NOTCH1: variants seen among roughly 807,000 people sequenced by gnomAD.
The protein encoded by NOTCH1 is neurogenic locus notch homolog protein 1.
In NOTCH1, 37 loss-of-function variants were observed where a neutral mutation model predicts 254.8. The observed-to-expected ratio is 0.15, with a 90% CI of 0.11 to 0.19. The LOEUF (loss-of-function observed/expected upper bound fraction) is 0.19. NOTCH1 is among the 10% of genes least tolerant of loss of function. The probability of loss-of-function intolerance (pLI) is 1.00; values close to 1 mark genes in which losing one functional copy is unlikely to be tolerated. For missense variants in NOTCH1, 2,972 were observed against 3,708.6 expected (o/e 0.80, Z 5.16); for synonymous variants, 1,731 against 1,618.1 (o/e 1.07, Z -1.68).
chr9:136,509,577 A>C lies in NOTCH1; in HGVS notation c.2969+156T>G, dbSNP rs1380733793. The stretch of plus-strand genomic sequence containing the variant: ...TCACAATGGCCCTCTCAGGAGGGAC[A>C]GGTCGGTACAATGAACAATGTCTGG... On this transcript the variant is annotated intron_variant, in intron 18 of 33. Coordinates refer to ENST00000651671, the MANE Select transcript of NOTCH1 (RefSeq NM_017617.5). 3.9e-5 allele frequency among the ~76,000 whole-genome samples: 6 copies of C among 152,240 alleles called. No individual in the cohort carries two copies. The East Asian group carries it at 1.2e-3, about 29-fold the overall frequency.
chr9:136,521,271 G>A (rs1011213864), intron 4 of NOTCH1, among the ~76,000 whole-genome samples: 13 of 152,196 alleles, frequency 8.5e-5, no homozygotes, highest in East Asian at 1.9e-4. Context: ...CTCACCGGAC[G>A]GGTGACCCAG....
chr9:136,505,169 C>G, intron 25 of NOTCH1, 65 bp from the exon 26 acceptor site: 4 of 1,555,002 alleles, frequency 2.6e-6, no homozygotes, highest in Non-Finnish European at 3.5e-6. Flanking sequence ...CGTCCGGTGC[C>G]TCCAGCCCAC....
intron 2 of NOTCH1, among the ~76,000 whole-genome samples, chr9:136,533,595 G>A (rs1009163274): frequency 1.3e-5 from 2 of 152,248 alleles, no homozygotes; most frequent in Non-Finnish European, 2.9e-5. Flanking sequence ...CACGGCCACA[G>A]CAGCCTCAGA....
chr9:136,545,112 A>G lies in NOTCH1; in HGVS notation c.61+614T>C, dbSNP rs548299856. Reference sequence around the variant, plus strand: ...AACTTCAACTCCGCAAAGCAAAAGGAAAGTTCAGTCCCCCCGGGCGCGGCG... The same window carrying G: ...AACTTCAACTCCGCAAAGCAAAAGGGAAGTTCAGTCCCCCCGGGCGCGGCG... On this transcript the variant is annotated intron_variant, in intron 1 of 33. Transcript: ENST00000651671. The surrounding 1 kb of genome is among the most constrained non-coding windows in gnomAD (Gnocchi z 6.8). Among the ~76,000 whole-genome samples the G allele has an allele frequency of 2.6e-5, 4 of 151,988 alleles. No homozygotes were observed. The highest frequency in any genetic ancestry group is 4.4e-5 in the Non-Finnish European group (3 of 67,940).
chr9:136,538,955 G>A (rs1001376525), intron 2 of NOTCH1, among the ~76,000 whole-genome samples: 1 of 152,236 alleles, frequency 6.6e-6, no homozygotes, highest in Non-Finnish European at 1.5e-5. Context: ...GCAAAAGGGT[G>A]CAGTCCCTCG....
intron 2 of NOTCH1, chr9:136,543,543 G>A (rs1194032718): frequency 6.3e-6 from 2 of 316,468 alleles, no homozygotes; most frequent in African/African-American, 2.2e-5. Context: ...TGTGCCAGAG[G>A]AGGCATCACT....
intron 17 of NOTCH1, 58 bp from the exon 18 acceptor site, chr9:136,510,019 G>C: frequency 3.9e-6 from 6 of 1,519,170 alleles, no homozygotes; most frequent in Non-Finnish European, 5.4e-6. Context: ...ACCTGCGGGA[G>C]GGGGCCGGGA....
rs766146375 is a variant in NOTCH1, at chr9:136,505,571, G to C, written c.4325C>G (p.Pro1442Arg). The C allele has an allele frequency of 1.9e-6, 3 of 1,610,264 alleles. No homozygotes were observed. In the East Asian group the frequency reaches 6.7e-5, roughly 36 times the overall value. ...FGGGAGRDIPPPLIEEACELP... is the reference protein window; with the variant it reads ...FGGGAGRDIPRPLIEEACELP... ...CTCGCACGCCTCCTCGATCAGCGGC[G>C]GGGGGATGTCGCGCCCGGCCCCACC... The change falls in exon 25 of 34, where the codon CCG becomes CGG. Residue 1442 changes from proline (P) to arginine (R), a missense_variant. Physicochemically the swap from Pro to Arg is moderately radical, Grantham distance 103. This residue lies in a region of NOTCH1 where 1,343 missense variants were observed against 1,557.0 expected (regional missense o/e 0.86). Transcript: ENST00000651671.
intron 16 of NOTCH1, 48 bp downstream of exon 16, chr9:136,511,104 C>CA (rs755879912): frequency 1.2e-6 from 2 of 1,612,558 alleles, no homozygotes; most frequent in South Asian, 2.2e-5. Flanking sequence ...GTCCCGCAGA[C>CA]ATCCTGACCT....
chr9:136,527,602 C>T (rs983424230), intron 2 of NOTCH1, among the ~76,000 whole-genome samples: 17 of 152,204 alleles, frequency 1.1e-4, no homozygotes, highest in Admixed American at 4.6e-4. Flanking sequence ...CAGTCTCCCC[C>T]GACTGGACGA....
At position 136,527,700 on chromosome 9, in the gene NOTCH1, C is replaced by A. The variant is rs531181068; in HGVS notation, c.141-3721G>T. ...CGCCAGGTGTGCCCCCGTGGACTCC[C>A]CTTCCGTGCGTCCCTCTTAGGGTCA... On this transcript the variant is annotated intron_variant, in intron 2 of 33. Transcript: ENST00000651671. Among the ~76,000 whole-genome samples the A allele has an allele frequency of 2.9e-3, 440 of 152,346 alleles. 2 individuals carry two copies. Among genetic ancestry groups the A allele is most frequent in the African/African-American group, 9.4e-3 (391 of 41,590 alleles).
At chr9:136,535,285 G>A (rs1177483173) in intron 2 of NOTCH1, among the ~76,000 whole-genome samples, 1 of 152,038 alleles carries the variant, frequency 6.6e-6, no homozygotes, top group African/African-American at 2.4e-5. Context: ...CCCACCCGAA[G>A]CCACCGCTTT....
At chr9:136,539,663 A>G (rs900894656) in intron 2 of NOTCH1, among the ~76,000 whole-genome samples, 1 of 152,202 alleles carries the variant, frequency 6.6e-6, no homozygotes, top group Non-Finnish European at 1.5e-5. Context: ...GTTTTTAAAC[A>G]TGTTTTTCTA....
intron 8 of NOTCH1, 150 bp from the exon 9 acceptor site, chr9:136,517,535 T>C: frequency 1.2e-6 from 1 of 818,064 alleles, no homozygotes. Flanking sequence ...CTGCAGCCCG[T>C]GGCCCCTGGC....
At chr9:136,519,658 G>T (rs1843335949) in intron 4 of NOTCH1, 93 bp from the exon 5 acceptor site, 1 of 1,587,138 alleles carries the variant, frequency 6.3e-7, no homozygotes, top group African/African-American at 1.3e-5. Flanking sequence ...ACAAGAGCCT[G>T]GCCTCCACGG....
intron 2 of NOTCH1, among the ~76,000 whole-genome samples, chr9:136,524,871 C>T (rs1408658444): frequency 2.0e-5 from 3 of 152,050 alleles, no homozygotes; most frequent in African/African-American, 4.8e-5. Flanking sequence ...CTCTTGACCT[C>T]GTGATCTGCC....
intron 33 of NOTCH1, among the ~76,000 whole-genome samples, chr9:136,497,901 A>G (rs376898799): frequency 2.9e-4 from 44 of 152,252 alleles, no homozygotes; most frequent in African/African-American, 9.9e-4. Flanking sequence ...GCACAAAAGG[A>G]AATTCCTGGA....
chr9:136,495,480 T>C lies in NOTCH1; in HGVS notation c.*591A>G. 1 of 399,540 alleles carries C rather than the reference T, an allele frequency of 2.5e-6. No individual in the cohort carries two copies. Among genetic ancestry groups the C allele is most frequent in the Non-Finnish European group, 4.4e-6 (1 of 226,634 alleles). 24.7% of individuals were successfully genotyped at this position (399,540 alleles called of 1,614,324 possible). A position where few individuals can be genotyped will look rare whatever the true frequency, so the allele number is the denominator to read the frequency against. ...CCCATATGCTTTCACTTGTTTCCTA[T>C]TTCAGATGCAAATTAATCCGCGTGC... On this transcript the variant is annotated 3_prime_UTR_variant, in exon 34 of 34. Transcript: ENST00000651671.
At chr9:136,541,227 ACT>A (rs1843728120) in intron 2 of NOTCH1, among the ~76,000 whole-genome samples, 1 of 151,864 alleles carries the variant, frequency 6.6e-6, no homozygotes, top group African/African-American at 2.4e-5. Context: ...CCACGGCGAC[ACT>A]CTGACCTCCT....
Sources: gnomAD v4.1 joint callset for allele counts (sites outside exome capture counted in the v4.1 genomes callset) on GRCh38, gnomAD v4.1.1 for gene constraint, gnomAD v4.1.1 regional missense constraint, Gnocchi (gnomAD v3.1) non-coding constraint, MANE v1.5 for transcripts, NCBI Gene and HGNC (gene_info 2026-07-23, HGNC 2026-07-21) for gene names.